Variants in DCAF6 observed in about 807,000 individuals in gnomAD.
DCAF6 encodes DDB1- and CUL4-associated factor 6.
In DCAF6, 54 loss-of-function variants were observed where a neutral mutation model predicts 125.1. The observed-to-expected ratio is 0.43, with a 90% CI of 0.35 to 0.54. DCAF6 has a LOEUF of 0.54. Among genes scored for constraint, DCAF6 ranks in the 20% least tolerant of loss-of-function variants. The probability of loss-of-function intolerance (pLI) is 0.01; values close to 1 mark genes in which losing one functional copy is unlikely to be tolerated. For missense variants in DCAF6, 934 were observed against 1,161.7 expected (o/e 0.80, Z 2.85); for synonymous variants, 371 against 390.4 (o/e 0.95, Z 0.58).
upstream of DCAF6, among the ~76,000 whole-genome samples, chr1:167,933,684 C>T (rs987299893): frequency 3.3e-5 from 5 of 152,188 alleles, no homozygotes; most frequent in East Asian, 9.6e-4. Context: ...CTTGAATATT[C>T]ACTCTGGATA....
At chr1:168,014,128 T>C (rs1361052395) in intron 10 of DCAF6, among the ~76,000 whole-genome samples, 1 of 152,220 alleles carries the variant, frequency 6.6e-6, no homozygotes, top group Non-Finnish European at 1.5e-5. Flanking sequence ...AGAATATATA[T>C]ACTTTGTGTC....
chr1:168,050,256 G>A (rs144336225), intron 16 of DCAF6, among the ~76,000 whole-genome samples: 125 of 152,134 alleles, frequency 8.2e-4, no homozygotes, highest in African/African-American at 2.8e-3. Context: ...TACCTACTCT[G>A]GACCATGGAG....
At chr1:167,873,051 C>A in the DCAF6 span, among the ~76,000 whole-genome samples, 2 of 151,522 alleles carry the variant, frequency 1.3e-5, no homozygotes, top group East Asian at 3.9e-4. Context: ...GCCTGGGCGA[C>A]AGAGTGAGAC....
chr1:167,918,968 T>C, the DCAF6 span, among the ~76,000 whole-genome samples: 16 of 152,184 alleles, frequency 1.1e-4, no homozygotes. Flanking sequence ...AATATTCTCA[T>C]TCTGGAATTC....
intron 18 of DCAF6, 114 bp from the exon 19 acceptor site, chr1:168,065,476 C>T: frequency 1.2e-6 from 1 of 856,100 alleles, no homozygotes; most frequent in South Asian, 2.0e-5. Context: ...ATTTTCTAAG[C>T]CAGTTTTTTA....
At chr1:167,925,936 A>G in the DCAF6 span, among the ~76,000 whole-genome samples, 19 of 152,204 alleles carry the variant, frequency 1.2e-4, no homozygotes, top group Admixed American at 3.9e-4. Flanking sequence ...TGCTTTTAAT[A>G]GTTTTAAAAT....
chr1:167,972,328 GAAT>G (rs1285494805), intron 3 of DCAF6, among the ~76,000 whole-genome samples: 1 of 152,108 alleles, frequency 6.6e-6, no homozygotes, highest in African/African-American at 2.4e-5. Flanking sequence ...TACATAACAC[GAAT>G]AATAATTCTT....
chr1:167,894,619 ATGTG>A, the DCAF6 span, among the ~76,000 whole-genome samples: 343 of 151,346 alleles, frequency 2.3e-3, 1 homozygote, highest in African/African-American at 8.0e-3. Flanking sequence ...GTGAAAAAAA[ATGTG>A]TGTGTGTGTG....
the DCAF6 span, among the ~76,000 whole-genome samples, chr1:167,886,794 A>T: frequency 6.6e-6 from 1 of 152,254 alleles, no homozygotes; most frequent in African/African-American, 2.4e-5. Flanking sequence ...CAATCTACCC[A>T]TCTGACAAAG....
intron 5 of DCAF6, among the ~76,000 whole-genome samples, chr1:167,990,103 A>G (rs1237810340): frequency 6.6e-6 from 1 of 152,224 alleles, no homozygotes; most frequent in Non-Finnish European, 1.5e-5. Flanking sequence ...AGTATAAAAT[A>G]TAGAAGTCAG....
At position 168,003,886 on chromosome 1, in the gene DCAF6, T is replaced by C. The variant is rs748019228; in HGVS notation, c.1014T>C (p.Asn338=). ...TTGTAATAGGAGAGCAGAGTCCCAATGTGTCATTGATGCAGAGAATGTCTG... is the reference window on the plus strand; with the variant it reads ...TTGTAATAGGAGAGCAGAGTCCCAACGTGTCATTGATGCAGAGAATGTCTG... ...ERERDGEQSP[N]VSLMQRMSDM... Residue 338 remains asparagine (N), a synonymous_variant, in exon 9 of 22, where the codon AAT becomes AAC. Coordinates refer to ENST00000367840, the MANE Select transcript of DCAF6 (RefSeq NM_001198956.2). 1.2e-6 allele frequency: 2 copies of C among 1,610,720 alleles called. No homozygotes were observed. The highest frequency in any genetic ancestry group is 3.3e-5 in the Admixed American group (2 of 59,916).
rs560425194 is a variant in DCAF6, at chr1:168,074,971, A to T, written c.2792-400A>T. Among the ~76,000 whole-genome samples the T allele has an allele frequency of 5.9e-5, 9 of 152,288 alleles. No homozygotes were observed. The South Asian group carries it at 1.9e-3, about 32-fold the overall frequency. ...ATGCCTGGAACATAGTATTTAATTTAAAAAAATCTTTTTACAAACAGAATT... is the reference window on the plus strand; with the variant it reads ...ATGCCTGGAACATAGTATTTAATTTTAAAAAATCTTTTTACAAACAGAATT... On this transcript the variant is annotated intron_variant, in intron 21 of 21. Transcript: ENST00000367840.
the DCAF6 span, among the ~76,000 whole-genome samples, chr1:167,922,725 T>C: frequency 1.3e-5 from 2 of 152,266 alleles, no homozygotes; most frequent in East Asian, 3.9e-4. Context: ...GGCCATAAGA[T>C]TGAGTCATAG....
chr1:167,872,854 G>A, the DCAF6 span, among the ~76,000 whole-genome samples: 2 of 151,062 alleles, frequency 1.3e-5, no homozygotes, highest in African/African-American at 2.4e-5. Context: ...GGCAGATCAC[G>A]AGATCAGGAG....
intron 12 of DCAF6, among the ~76,000 whole-genome samples, chr1:168,029,706 C>T (rs1686805967): frequency 6.6e-6 from 1 of 152,078 alleles, no homozygotes; most frequent in Non-Finnish European, 1.5e-5. Flanking sequence ...TAAGGCCGGG[C>T]GTGGTGGCTC....
the DCAF6 span, among the ~76,000 whole-genome samples, chr1:167,905,738 A>ATG: frequency 0.052 from 7,738 of 148,798 alleles, 521 homozygotes; most frequent in African/African-American, 0.15. Flanking sequence ...GAGTTCAGAA[A>ATG]TGTGTGTGTG....
At chr1:167,878,043 A>G in the DCAF6 span, among the ~76,000 whole-genome samples, 10 of 152,214 alleles carry the variant, frequency 6.6e-5, no homozygotes, top group Admixed American at 6.5e-4. Flanking sequence ...GTATTTCACT[A>G]AAGACTTAGA....
chr1:168,051,989 T>C (rs922751454), intron 17 of DCAF6, among the ~76,000 whole-genome samples: 16 of 152,056 alleles, frequency 1.1e-4, no homozygotes, highest in African/African-American at 3.9e-4. Flanking sequence ...AAAGTGATTT[T>C]CCCGCCTCAG....
intron 11 of DCAF6, among the ~76,000 whole-genome samples, chr1:168,018,375 A>G (rs1316680361): frequency 6.6e-6 from 1 of 152,148 alleles, no homozygotes; most frequent in Non-Finnish European, 1.5e-5. Context: ...GTGGTTTTTT[A>G]TTTATTTTTG....
Sources: gnomAD v4.1 joint callset for allele counts (sites outside exome capture counted in the v4.1 genomes callset) on GRCh38, gnomAD v4.1.1 for gene constraint, MANE v1.5 for transcripts, NCBI Gene and HGNC (gene_info 2026-07-23, HGNC 2026-07-21) for gene names.